The following FAM156A variants were observed in gnomAD, a reference collection of about 807,000 sequenced individuals.
FAM156A encodes family with sequence similarity 156 member A.
At chrX:52,990,797 G>GAAAGAAAATAAAAAAGAAAAGA (rs1556795331) in intron 1 of FAM156A, among the ~76,000 whole-genome samples, 1 of 69,599 alleles carries the variant, frequency 1.4e-5, no homozygotes, top group African/African-American at 5.9e-5. Flanking sequence ...GAAAAGAAAA[G>GAAAGAAAATAAAAAAGAAAAGA]AAAGAAAAGA....
chrX:52,977,335 C>G (rs1929564205), intron 1 of FAM156A, among the ~76,000 whole-genome samples: 1 of 110,368 alleles, frequency 9.1e-6, no homozygotes, highest in Non-Finnish European at 1.9e-5. Flanking sequence ...TCTCTTCCCC[C>G]ATTGCCCATT....
intron 1 of FAM156A, among the ~76,000 whole-genome samples, chrX:52,985,037 T>C (rs1405908013): frequency 9.0e-6 from 1 of 111,058 alleles, no homozygotes; most frequent in African/African-American, 3.3e-5. Flanking sequence ...AATGACACCA[T>C]TTACCCACTG....
chrX:52,991,461 G>T (rs1281022024), intron 1 of FAM156A, among the ~76,000 whole-genome samples: 3 of 111,486 alleles, frequency 2.7e-5, no homozygotes, highest in African/African-American at 9.8e-5. Flanking sequence ...TCGGTTCACT[G>T]ATTCAAAGGC....
intron 1 of FAM156A, among the ~76,000 whole-genome samples, chrX:52,993,351 C>T (rs1303931146): frequency 3.6e-5 from 4 of 109,853 alleles, no homozygotes; most frequent in Non-Finnish European, 7.6e-5. Context: ...CCCCACACAC[C>T]CTGAATAAAA....
At chrX:52,993,181 C>T (rs1176221148) in intron 1 of FAM156A, among the ~76,000 whole-genome samples, 3 of 110,932 alleles carry the variant, frequency 2.7e-5, no homozygotes, top group Non-Finnish European at 5.7e-5. Flanking sequence ...TACCATCACA[C>T]ATCCTTGAGA....
At chrX:52,974,084 A>G (rs1384304305) in intron 1 of FAM156A, among the ~76,000 whole-genome samples, 8 of 112,483 alleles carry the variant, frequency 7.1e-5, no homozygotes, top group Non-Finnish European at 1.3e-4. Context: ...AAGTGCCAGG[A>G]TTACAGGCAT....
At chrX:52,988,253 A>AAAAAGAAAAG (rs781811932) in intron 1 of FAM156A, among the ~76,000 whole-genome samples, 1 of 110,323 alleles carries the variant, frequency 9.1e-6, no homozygotes, top group Non-Finnish European at 1.9e-5. Context: ...CTCAAAAAAA[A>AAAAAGAAAAG]AAAAGAAAAG....
chrX:52,973,814 C>T (rs1305278918), intron 1 of FAM156A, among the ~76,000 whole-genome samples: 4 of 110,714 alleles, frequency 3.6e-5, no homozygotes, highest in African/African-American at 9.9e-5. Flanking sequence ...AGGTGCACGC[C>T]GCCACGCCTG....
intron 1 of FAM156A, among the ~76,000 whole-genome samples, chrX:52,992,393 C>G (rs1477706304): frequency 9.0e-6 from 1 of 111,618 alleles, no homozygotes; most frequent in Non-Finnish European, 1.9e-5. Context: ...GATTTCCCAC[C>G]AGACAATCTC....
intron 1 of FAM156A, among the ~76,000 whole-genome samples, chrX:52,992,611 T>G (rs1241013330): frequency 9.0e-6 from 1 of 110,920 alleles, no homozygotes; most frequent in Non-Finnish European, 1.9e-5. Flanking sequence ...GTCTTTTTTT[T>G]TTTTTTTGCC....
chrX:52,978,609 C>T (rs1929650584), intron 1 of FAM156A, among the ~76,000 whole-genome samples: 1 of 112,671 alleles, frequency 8.9e-6, no homozygotes, highest in Non-Finnish European at 1.9e-5. Context: ...CCAAAAGCTA[C>T]TGCAAAATAT....
chrX:52,974,551 G>A (rs1929300061), intron 1 of FAM156A, among the ~76,000 whole-genome samples: 1 of 111,401 alleles, frequency 9.0e-6, no homozygotes, highest in Non-Finnish European at 1.9e-5. Context: ...ATGGCTCACT[G>A]CAACCTCCAC....
At chrX:52,989,345 C>A (rs1556795017) in intron 1 of FAM156A, among the ~76,000 whole-genome samples, 1 of 112,248 alleles carries the variant, frequency 8.9e-6, no homozygotes, top group African/African-American at 3.2e-5. Context: ...AGGAAGGCAG[C>A]CCCTGGCTGT....
intron 1 of FAM156A, among the ~76,000 whole-genome samples, chrX:52,989,565 G>A (rs782611672): frequency 8.9e-6 from 1 of 112,579 alleles, no homozygotes; most frequent in South Asian, 3.6e-4. Context: ...CAGGTCAGTG[G>A]GCCTGTGCTG....
At chrX:52,975,173 G>C (rs782302322) in intron 1 of FAM156A, among the ~76,000 whole-genome samples, 1 of 110,599 alleles carries the variant, frequency 9.0e-6, no homozygotes, top group African/African-American at 3.3e-5. Flanking sequence ...AAGGGCACCA[G>C]AACTTTAGCT....
At chrX:52,978,788 A>C (rs782275330) in intron 1 of FAM156A, among the ~76,000 whole-genome samples, 1 of 112,075 alleles carries the variant, frequency 8.9e-6, no homozygotes, top group South Asian at 3.7e-4. Flanking sequence ...CCTCAGCTGA[A>C]GGTCTTGGGT....
chrX:52,991,130 C>G lies in FAM156A; in HGVS notation c.-434+4176G>C, dbSNP rs1930737121. On this transcript the variant is annotated intron_variant, in intron 1 of 4. Transcript: ENST00000610625. ...GTCAGGGTTCTCCCAAGAAACAGAA[C>G]CAAAGAGGGGACTTGTTATGGGAAT... 5.4e-5 allele frequency among the ~76,000 whole-genome samples: 6 copies of G among 111,564 alleles called. No homozygotes were observed. The South Asian group carries it at 2.3e-3, about 42-fold the overall frequency.
intron 1 of FAM156A, among the ~76,000 whole-genome samples, chrX:52,978,895 A>G (rs1392953222): frequency 3.6e-5 from 4 of 112,254 alleles, no homozygotes; most frequent in Non-Finnish European, 5.6e-5. Context: ...CTCCTGCTCT[A>G]GTATTGCTCA....
intron 1 of FAM156A, among the ~76,000 whole-genome samples, chrX:52,983,976 C>T (rs1403757375): frequency 8.9e-6 from 1 of 111,982 alleles, no homozygotes; most frequent in African/African-American, 3.2e-5. Flanking sequence ...GTGAGTCAGG[C>T]TCATTCTGGC....
Sources: gnomAD v4.1 joint callset for allele counts (sites outside exome capture counted in the v4.1 genomes callset) on GRCh38, gnomAD v4.1.1 for gene constraint, MANE v1.5 for transcripts, NCBI Gene and HGNC (gene_info 2026-07-23, HGNC 2026-07-21) for gene names.